The following ANKMY2 variants were observed in gnomAD, a reference collection of about 807,000 sequenced individuals.
ANKMY2 encodes ankyrin repeat and MYND domain containing 2, also known as ankyrin repeat and MYND domain-containing protein 2.
Under a neutral mutation model 50.4 loss-of-function variants are expected in ANKMY2, and 36 were observed. That is an observed-to-expected ratio of 0.71 (90% CI 0.55 to 0.94). ANKMY2 has a LOEUF of 0.94. Ranked by LOEUF, ANKMY2 falls within the 40% of genes least tolerant of loss-of-function variation. ANKMY2 has a pLI of 0.00. For missense variants in ANKMY2, 565 were observed against 524.0 expected, an observed-to-expected ratio of 1.08 and a Z score of -0.76; for synonymous variants, 187 against 178.8, an observed-to-expected ratio of 1.05 and a Z score of -0.36.
At chr7:16,645,171 C>T (rs1188211622) in intron 1 of ANKMY2, among the ~76,000 whole-genome samples, 1 of 152,134 alleles carries the variant, frequency 6.6e-6, no homozygotes, top group Non-Finnish European at 1.5e-5. Flanking sequence ...GGTCAAAATC[C>T]CTCGGGAGCA....
chr7:16,618,858 C>CT (rs144938938), intron 4 of ANKMY2, among the ~76,000 whole-genome samples: 33,094 of 152,066 alleles, frequency 0.22, 4,207 homozygotes, highest in Middle Eastern at 0.3. Context: ...GAAGACAAAC[C>CT]GCACATGCTT....
chr7:16,615,248 C>A (rs774682984), intron 5 of ANKMY2, among the ~76,000 whole-genome samples: 1 of 152,172 alleles, frequency 6.6e-6, no homozygotes, highest in South Asian at 2.1e-4. Context: ...TTAGTGCCCC[C>A]ACATACATCC....
At position 16,610,744 on chromosome 7, in the gene ANKMY2, T is replaced by G; in HGVS notation, c.551A>C (p.Glu184Ala). 1.2e-6 allele frequency: 2 copies of G among 1,613,844 alleles called. No homozygotes were observed. Among genetic ancestry groups the G allele is most frequent in the Non-Finnish European group, 1.7e-6 (2 of 1,179,932 alleles). The change falls in exon 6 of 10, where the codon GAG (glutamate) becomes GCG (alanine). Residue 184 changes from glutamate to alanine, a missense_variant. Glu to Ala is a moderately radical substitution (Grantham distance 107, BLOSUM62 -1). Coordinates refer to ENST00000306999, the MANE Select transcript of ANKMY2 (RefSeq NM_020319.3). Reference protein sequence around the residue: ...HPVKIVMLVNENPLLTEEAAL... With the variant: ...HPVKIVMLVNANPLLTEEAAL... ...TGCTTCTTCTGTCAGCAGAGGATTC[T>G]CATTTACAAGCATCACGATCTAGAG...
intron 4 of ANKMY2, among the ~76,000 whole-genome samples, chr7:16,619,248 G>A (rs930881232): frequency 6.6e-6 from 1 of 151,422 alleles, no homozygotes; most frequent in Non-Finnish European, 1.5e-5. Flanking sequence ...CCGCCTCCTA[G>A]GCTCAAGGGA....
At chr7:16,612,936 C>T (rs1781278446) in intron 5 of ANKMY2, among the ~76,000 whole-genome samples, 1 of 152,102 alleles carries the variant, frequency 6.6e-6, no homozygotes, top group African/African-American at 2.4e-5. Context: ...CAAAGGATTG[C>T]TACCTGAGAA....
intron 4 of ANKMY2, among the ~76,000 whole-genome samples, chr7:16,617,466 A>G (rs894734596): frequency 3.3e-5 from 5 of 152,342 alleles, no homozygotes; most frequent in Non-Finnish European, 5.9e-5. Context: ...CATGCCTCCA[A>G]CAGAGGGCTT....
chr7:16,610,366 A>G (rs1035281170), intron 6 of ANKMY2, among the ~76,000 whole-genome samples, 183 bp downstream of exon 6: 3 of 152,240 alleles, frequency 2.0e-5, no homozygotes, highest in Admixed American at 2.0e-4. Context: ...TAAAGGATAC[A>G]GAACTGAATA....
intron 5 of ANKMY2, among the ~76,000 whole-genome samples, chr7:16,614,674 T>A (rs909264846): frequency 4.6e-5 from 7 of 152,234 alleles, no homozygotes; most frequent in African/African-American, 1.7e-4. Context: ...GTCCACTCAT[T>A]TTCATGATGC....
At chr7:16,634,489 C>T (rs1781629626) in intron 2 of ANKMY2, among the ~76,000 whole-genome samples, 2 of 152,058 alleles carry the variant, frequency 1.3e-5, no homozygotes, top group African/African-American at 2.4e-5. Flanking sequence ...GGCTTAAGTT[C>T]CCAGGAAGAG....
intron 4 of ANKMY2, among the ~76,000 whole-genome samples, chr7:16,620,471 A>C (rs1781417422): frequency 6.6e-6 from 1 of 152,152 alleles, no homozygotes; most frequent in South Asian, 2.1e-4. Flanking sequence ...TGGAGAAATA[A>C]ATGAAGTATA....
chr7:16,627,219 T>C, intron 2 of ANKMY2, 41 bp from the exon 3 acceptor site: 1 of 1,426,982 alleles, frequency 7.0e-7, no homozygotes, highest in Non-Finnish European at 9.6e-7. Context: ...TTTACTGTTT[T>C]ATCTTTTCTG....
intron 7 of ANKMY2, among the ~76,000 whole-genome samples, chr7:16,609,076 C>T (rs1482907248): frequency 6.6e-6 from 1 of 152,094 alleles, no homozygotes; most frequent in African/African-American, 2.4e-5. Context: ...ATAAAGTTAA[C>T]AAAATACACT....
chr7:16,627,541 T>G (rs1308492271), intron 2 of ANKMY2, among the ~76,000 whole-genome samples: 2 of 152,152 alleles, frequency 1.3e-5, no homozygotes, highest in African/African-American at 4.8e-5. Flanking sequence ...AAGAAAAATC[T>G]CAAATAATGC....
At chr7:16,609,805 C>A in intron 6 of ANKMY2, 40 bp from the exon 7 acceptor site, 1 of 1,600,242 alleles carries the variant, frequency 6.2e-7, no homozygotes, top group South Asian at 1.1e-5. Flanking sequence ...AGTTGAATCA[C>A]TAAGCATTCT....
intron 2 of ANKMY2, among the ~76,000 whole-genome samples, chr7:16,632,007 GTTATGACAATCTTCT>G (rs1191883889): frequency 4.1e-4 from 63 of 152,178 alleles, no homozygotes; most frequent in African/African-American, 1.5e-3. Context: ...TAATAAAAAA[GTTATGACAATCTTCT>G]TTATAATTGC....
At chr7:16,631,090 T>G (rs1195951916) in intron 2 of ANKMY2, among the ~76,000 whole-genome samples, 1 of 152,150 alleles carries the variant, frequency 6.6e-6, no homozygotes, top group South Asian at 2.1e-4. Context: ...TACAGAAGAG[T>G]CATTCTATCC....
intron 4 of ANKMY2, among the ~76,000 whole-genome samples, chr7:16,620,196 G>A (rs577587257): frequency 6.6e-6 from 1 of 152,300 alleles, no homozygotes; most frequent in Admixed American, 6.5e-5. Context: ...TGGAGACAAA[G>A]GGGAGGAGAG....
chr7:16,600,343 G>T lies in ANKMY2; in HGVS notation c.*418C>A, dbSNP rs994173349. 2.6e-5 allele frequency: 4 copies of T among 153,544 alleles called. No homozygotes were observed. Among genetic ancestry groups the T allele is most frequent in the Admixed American group, 6.5e-5 (1 of 15,312 alleles). The allele number at this position is 153,544 out of a possible 1,614,324, so 9.5% of individuals were successfully genotyped here. ...TTATATGTATTTTATTCACATATAA[G>T]TTATGATTTTTCTAACTACCCTCTG... On this transcript the variant is annotated 3_prime_UTR_variant, in exon 10 of 10. Coordinates refer to ENST00000306999, the MANE Select transcript of ANKMY2 (RefSeq NM_020319.3).
At chr7:16,624,754 C>A (rs1159408101) in intron 4 of ANKMY2, among the ~76,000 whole-genome samples, 1 of 152,124 alleles carries the variant, frequency 6.6e-6, no homozygotes, top group African/African-American at 2.4e-5. Context: ...CATTTGTGAG[C>A]AATTACAATG....
Sources: allele counts gnomAD v4.1 joint callset (sites outside exome capture counted in the v4.1 genomes callset), GRCh38; gene constraint gnomAD v4.1.1; transcripts MANE v1.5; gene names NCBI Gene and HGNC (gene_info 2026-07-23, HGNC 2026-07-21).